Variants in FNDC3B observed in about 807,000 individuals in gnomAD.
FNDC3B encodes the protein fibronectin type III domain-containing protein 3B.
A neutral mutation model predicts 151.5 loss-of-function variants in FNDC3B; 12 were observed. That is an observed-to-expected ratio of 0.08 (90% CI 0.05 to 0.13). The LOEUF (loss-of-function observed/expected upper bound fraction) is 0.13. Among genes scored for constraint, FNDC3B ranks in the 10% least tolerant of loss-of-function variants. The probability of loss-of-function intolerance (pLI) is 1.00; values close to 1 mark genes in which losing one functional copy is unlikely to be tolerated. For synonymous variants in FNDC3B, 528 were observed against 549.0 expected (o/e 0.96, Z 0.54); for missense variants, 1,214 against 1,505.3 (o/e 0.81, Z 3.20).
At chr3:172,201,966 G>T (rs569731091) in intron 3 of FNDC3B, among the ~76,000 whole-genome samples, 16 of 152,290 alleles carry the variant, frequency 1.1e-4, no homozygotes, top group Non-Finnish European at 1.9e-4. Context: ...ATTTTTGCAT[G>T]ATGTAATAAC....
intron 6 of FNDC3B, among the ~76,000 whole-genome samples, chr3:172,257,802 A>G (rs1362487240): frequency 6.6e-6 from 1 of 152,180 alleles, no homozygotes; most frequent in Admixed American, 6.5e-5. Context: ...CCCCAGACCT[A>G]CTGAATACAG....
At chr3:172,192,010 A>G (rs896139719) in intron 3 of FNDC3B, among the ~76,000 whole-genome samples, 5 of 152,146 alleles carry the variant, frequency 3.3e-5, no homozygotes, top group African/African-American at 1.2e-4. Context: ...TACCAGACCT[A>G]TAATTTCTCT....
chr3:172,120,567 T>G (rs1720482747), intron 2 of FNDC3B, among the ~76,000 whole-genome samples: 1 of 149,630 alleles, frequency 6.7e-6, no homozygotes, highest in Non-Finnish European at 1.5e-5. Flanking sequence ...CATACAGGCA[T>G]GGGGGGGGGT....
chr3:172,117,273 TC>T (rs1455595662), intron 2 of FNDC3B, among the ~76,000 whole-genome samples: 1 of 152,200 alleles, frequency 6.6e-6, no homozygotes. Context: ...GTTATAAAAA[TC>T]AGGTTTCAAC....
At chr3:172,295,210 G>A (rs75430467) in intron 7 of FNDC3B, among the ~76,000 whole-genome samples, 153 bp from the exon 8 acceptor site, 1,673 of 152,284 alleles carry the variant, frequency 0.011, 14 homozygotes, top group Middle Eastern at 0.024. Context: ...TTGGATACCA[G>A]GACTTTGAAA....
At chr3:172,327,742 C>T (rs1732432513) in intron 11 of FNDC3B, among the ~76,000 whole-genome samples, 1 of 152,206 alleles carries the variant, frequency 6.6e-6, no homozygotes, top group South Asian at 2.1e-4. Flanking sequence ...TAGCAACAGT[C>T]AGGCTAGTGG....
chr3:172,383,442 C>T (rs2108377227), intron 25 of FNDC3B, among the ~76,000 whole-genome samples: 1 of 152,306 alleles, frequency 6.6e-6, no homozygotes, highest in South Asian at 2.1e-4. Flanking sequence ...CTGAAGCCTA[C>T]ATTCTGTCTA....
chr3:172,092,561 C>T (rs1403526599), intron 1 of FNDC3B, among the ~76,000 whole-genome samples: 1 of 152,152 alleles, frequency 6.6e-6, no homozygotes, highest in Non-Finnish European at 1.5e-5. Context: ...AGTCATTACC[C>T]AGTCCATCAC....
chr3:172,091,514 TGTA>T (rs74744875), intron 1 of FNDC3B, among the ~76,000 whole-genome samples: 8,034 of 152,248 alleles, frequency 0.053, 347 homozygotes, highest in East Asian at 0.22. Context: ...AGATGAGCAT[TGTA>T]GTATCAAGCA....
chr3:172,066,524 C>T (rs1717506147), intron 1 of FNDC3B, among the ~76,000 whole-genome samples: 1 of 152,180 alleles, frequency 6.6e-6, no homozygotes. Flanking sequence ...GAGGTGGCTA[C>T]AGGCTTCAGG....
intron 22 of FNDC3B, among the ~76,000 whole-genome samples, chr3:172,359,027 C>T (rs1052974760): frequency 3.0e-4 from 42 of 141,060 alleles, no homozygotes; most frequent in African/African-American, 8.0e-4. Context: ...GTGATGGTGG[C>T]GGTGGTGTGT....
chr3:172,132,668 G>A (rs1721163714), intron 2 of FNDC3B, among the ~76,000 whole-genome samples: 1 of 152,148 alleles, frequency 6.6e-6, no homozygotes, highest in Non-Finnish European at 1.5e-5. Flanking sequence ...AAAGTGCTGG[G>A]ATTACAGGCG....
intron 3 of FNDC3B, among the ~76,000 whole-genome samples, chr3:172,175,077 C>T (rs1576764204): frequency 6.6e-6 from 1 of 151,794 alleles, no homozygotes; most frequent in African/African-American, 2.4e-5. Context: ...CTTTTGCTTT[C>T]TCGCTGCTTT....
At chr3:172,362,913 T>C in intron 23 of FNDC3B, 68 bp downstream of exon 23, 2 of 1,250,976 alleles carry the variant, frequency 1.6e-6, no homozygotes, top group Non-Finnish European at 2.3e-6. Flanking sequence ...ATCTCAATTG[T>C]ACATTTTTAT....
At chr3:172,168,662 GT>G (rs1200955811) in intron 3 of FNDC3B, among the ~76,000 whole-genome samples, 1 of 150,294 alleles carries the variant, frequency 6.7e-6, no homozygotes, top group Non-Finnish European at 1.5e-5. Context: ...TGCTTTTAAA[GT>G]TTCTATCATG....
intron 4 of FNDC3B, among the ~76,000 whole-genome samples, chr3:172,243,501 G>GGA (rs1560036147): frequency 6.6e-6 from 1 of 152,126 alleles, no homozygotes; most frequent in Non-Finnish European, 1.5e-5. Context: ...GGTTGTGCAG[G>GGA]GAGACTCCTG....
intron 3 of FNDC3B, among the ~76,000 whole-genome samples, chr3:172,216,447 G>A (rs186510855): frequency 1.8e-4 from 27 of 152,208 alleles, no homozygotes; most frequent in Admixed American, 1.3e-3. Context: ...TGGGAGGATC[G>A]CTTGAGGCCA....
At chr3:172,273,031 C>T (rs1729275549) in intron 6 of FNDC3B, among the ~76,000 whole-genome samples, 1 of 152,164 alleles carries the variant, frequency 6.6e-6, no homozygotes, top group South Asian at 2.1e-4. Context: ...TAACTCTGGG[C>T]AAGTACGATC....
intron 6 of FNDC3B, among the ~76,000 whole-genome samples, chr3:172,255,415 C>T (rs975161923): frequency 2.6e-5 from 4 of 152,124 alleles, no homozygotes; most frequent in Admixed American, 2.6e-4. Flanking sequence ...ATTACAGGCG[C>T]ACACCACCAT....
Sources: gnomAD v4.1 joint callset for allele counts (sites outside exome capture counted in the v4.1 genomes callset) on GRCh38, gnomAD v4.1.1 for gene constraint, MANE v1.5 for transcripts, NCBI Gene and HGNC (gene_info 2026-07-23, HGNC 2026-07-21) for gene names.